Variants in OSBPL1A observed in about 807,000 individuals in gnomAD.
The protein encoded by OSBPL1A is oxysterol-binding protein-related protein 1.
In OSBPL1A, 80 loss-of-function variants were observed where a neutral mutation model predicts 137.1. That is an observed-to-expected ratio of 0.58 (90% CI 0.49 to 0.70). The LOEUF (loss-of-function observed/expected upper bound fraction) is 0.70. Ranked by LOEUF, OSBPL1A falls within the 30% of genes least tolerant of loss-of-function variation. The probability of loss-of-function intolerance (pLI) is 0.00; values close to 1 mark genes in which losing one functional copy is unlikely to be tolerated. For missense variants in OSBPL1A, 970 were observed against 1,129.4 expected, an observed-to-expected ratio of 0.86 and a Z score of 2.02; for synonymous variants, 365 against 389.7, an observed-to-expected ratio of 0.94 and a Z score of 0.75.
At chr18:24,363,248 G>A (rs1007180121) in intron 4 of OSBPL1A, among the ~76,000 whole-genome samples, 12 of 152,072 alleles carry the variant, frequency 7.9e-5, no homozygotes, top group African/African-American at 2.9e-4. Context: ...AATAGGTCTT[G>A]TTGGGAAAAA....
chr18:24,316,215 C>T (rs529330028), intron 11 of OSBPL1A, among the ~76,000 whole-genome samples: 1 of 151,936 alleles, frequency 6.6e-6, no homozygotes, highest in South Asian at 2.1e-4. Context: ...AAGCTGAGAT[C>T]GTGCCACTGC....
chr18:24,322,049 G>C (rs776099964), intron 7 of OSBPL1A, among the ~76,000 whole-genome samples: 1 of 151,752 alleles, frequency 6.6e-6, no homozygotes, highest in Non-Finnish European at 1.5e-5. Context: ...TGGTGGTTTG[G>C]ACTAGAAAGT....
chr18:24,339,235 G>C (rs1274136467), intron 5 of OSBPL1A, among the ~76,000 whole-genome samples: 1 of 152,168 alleles, frequency 6.6e-6, no homozygotes, highest in African/African-American at 2.4e-5. Flanking sequence ...GCCTCCCAAA[G>C]TGCTGGGATT....
At chr18:24,295,133 T>C (rs2090265214) in intron 14 of OSBPL1A, among the ~76,000 whole-genome samples, 1 of 152,230 alleles carries the variant, frequency 6.6e-6, no homozygotes, top group African/African-American at 2.4e-5. Flanking sequence ...GGTATCTCCT[T>C]GTGGTTTGGA....
intron 17 of OSBPL1A, among the ~76,000 whole-genome samples, chr18:24,196,653 G>A (rs947424416): frequency 2.0e-5 from 3 of 151,962 alleles, no homozygotes; most frequent in African/African-American, 7.3e-5. Flanking sequence ...GAAATGAAAT[G>A]GAAAATAGAA....
chr18:24,370,348 C>T (rs1476875311), intron 2 of OSBPL1A, among the ~76,000 whole-genome samples: 3 of 152,184 alleles, frequency 2.0e-5, no homozygotes, highest in African/African-American at 7.2e-5. Flanking sequence ...TGCCATCTGC[C>T]AGCCTCCCAG....
intron 7 of OSBPL1A, among the ~76,000 whole-genome samples, chr18:24,331,459 C>G (rs939578045): frequency 1.4e-5 from 2 of 148,096 alleles, no homozygotes; most frequent in Admixed American, 6.7e-5. Flanking sequence ...TGCAGTGGCG[C>G]GATCTCGGCT....
At position 24,318,608 on chromosome 18, in the gene OSBPL1A, A is replaced by G; in HGVS notation, c.725T>C (p.Leu242Pro). 1 of 1,609,118 alleles carries G rather than the reference A, an allele frequency of 6.2e-7. No homozygotes were observed. Among genetic ancestry groups the G allele is most frequent in the Non-Finnish European group, 8.5e-7 (1 of 1,178,824 alleles). ...YKALKRYEGPLWKSSRFFGWR... is the reference protein window; with the variant it reads ...YKALKRYEGPPWKSSRFFGWR... ...AAAACCACCTCAACTTACCTTCCAG[A>G]GAGGGCCCTCATATCGTTTCAATGC... The change falls in exon 9 of 28, where the codon CTC becomes CCC. Residue 242 changes from leucine to proline, a missense_variant. Leu to Pro is a moderately conservative substitution (Grantham distance 98, BLOSUM62 -3). Transcript: ENST00000319481.
At position 24,255,046 on chromosome 18, in the gene OSBPL1A, G is replaced by C. The variant is rs151260232; in HGVS notation, c.1282-15664C>G. On this transcript the variant is annotated intron_variant, in intron 15 of 27. Transcript: ENST00000319481. ...ACAACAGATACCACAGAAATCCAAA[G>C]GATCATTAGTGGCTACTATGAGAAA... Among the ~76,000 whole-genome samples the C allele has an allele frequency of 3.2e-3, 485 of 152,230 alleles. 2 individuals are homozygous for C. Among genetic ancestry groups the C allele is most frequent in the African/African-American group, 0.011 (446 of 41,562 alleles).
chr18:24,320,673 G>T (rs2090831291), intron 7 of OSBPL1A, among the ~76,000 whole-genome samples: 1 of 152,128 alleles, frequency 6.6e-6, no homozygotes, highest in Admixed American at 6.5e-5. Context: ...AGCCACTGAA[G>T]GGTTTTAAGT....
chr18:24,370,395 T>G (rs1225343691), intron 2 of OSBPL1A, among the ~76,000 whole-genome samples: 1 of 152,154 alleles, frequency 6.6e-6, no homozygotes, highest in East Asian at 1.9e-4. Context: ...GGGCAGCATA[T>G]TCTTTCACCC....
intron 18 of OSBPL1A, among the ~76,000 whole-genome samples, chr18:24,184,984 A>G (rs2086705239): frequency 6.6e-6 from 1 of 152,232 alleles, no homozygotes. Flanking sequence ...TACTTTTGGA[A>G]TATTATTCAG....
chr18:24,195,172 G>A (rs563078370), intron 18 of OSBPL1A, among the ~76,000 whole-genome samples: 4 of 152,022 alleles, frequency 2.6e-5, no homozygotes, highest in South Asian at 4.2e-4. Flanking sequence ...GTGGCACGAC[G>A]CGCCTGTGGT....
chr18:24,273,767 T>A (rs1335768031), intron 15 of OSBPL1A, among the ~76,000 whole-genome samples: 1 of 152,180 alleles, frequency 6.6e-6, no homozygotes. Flanking sequence ...CAGGAACTCA[T>A]GGAGCAGCAG....
At chr18:24,175,114 A>ATATATG (rs2086401914) in intron 21 of OSBPL1A, among the ~76,000 whole-genome samples, 1 of 30,304 alleles carries the variant, frequency 3.3e-5, no homozygotes, top group African/African-American at 6.3e-5. Flanking sequence ...GTATGTATAT[A>ATATATG]TATATATATA....
At chr18:24,335,294 GTGT>G (rs2091156600) in intron 5 of OSBPL1A, among the ~76,000 whole-genome samples, 1 of 152,140 alleles carries the variant, frequency 6.6e-6, no homozygotes, top group African/African-American at 2.4e-5. Flanking sequence ...TCTGAGGTAG[GTGT>G]TGTTATTATA....
chr18:24,178,314 G>T, intron 20 of OSBPL1A, 119 bp from the exon 21 acceptor site: 1 of 1,044,508 alleles, frequency 9.6e-7, no homozygotes, highest in Non-Finnish European at 1.3e-6. Flanking sequence ...TTGTTGTTGA[G>T]ACAAAATCTT....
chr18:24,338,134 G>A (rs556001691), intron 5 of OSBPL1A, among the ~76,000 whole-genome samples: 5 of 150,680 alleles, frequency 3.3e-5, no homozygotes, highest in East Asian at 3.9e-4. Context: ...GTGCAGTGGC[G>A]CAATCTCGGC....
chr18:24,371,455 G>A (rs73394390), intron 2 of OSBPL1A, among the ~76,000 whole-genome samples: 1 of 152,232 alleles, frequency 6.6e-6, no homozygotes, highest in African/African-American at 2.4e-5. Context: ...CAGGCACTCT[G>A]CTAAACTTTC....
Sources: gnomAD v4.1 joint callset for allele counts (sites outside exome capture counted in the v4.1 genomes callset) on GRCh38, gnomAD v4.1.1 for gene constraint, MANE v1.5 for transcripts, NCBI Gene and HGNC (gene_info 2026-07-23, HGNC 2026-07-21) for gene names.